Variants in ZNF569 observed in about 807,000 individuals in gnomAD.
ZNF569 encodes DNA-binding protein.
Under a neutral mutation model 56.3 loss-of-function variants are expected in ZNF569, and 38 were observed. The ratio of observed to expected loss-of-function variants is 0.68; its 90% CI spans 0.52 to 0.88. The LOEUF (loss-of-function observed/expected upper bound fraction) is 0.88, where lower values mean the gene tolerates loss of function less well. ZNF569 is among the 40% of genes least tolerant of loss of function. ZNF569 has a pLI of 0.00. For synonymous variants in ZNF569, 241 were observed against 262.9 expected (o/e 0.92, Z 0.81); for missense variants, 666 against 809.2 (o/e 0.82, Z 2.15).
chr19:37,440,711 A>G (rs1239143276), intron 3 of ZNF569, among the ~76,000 whole-genome samples: 2 of 152,234 alleles, frequency 1.3e-5, no homozygotes, highest in East Asian at 1.9e-4. Flanking sequence ...ATCCACATGA[A>G]AAAATGAAGA....
At chr19:37,449,231 C>T (rs1193402501) in intron 2 of ZNF569, among the ~76,000 whole-genome samples, 3 of 152,056 alleles carry the variant, frequency 2.0e-5, no homozygotes, top group Non-Finnish European at 4.4e-5. Context: ...TCTATTATGG[C>T]CCCAAATATG....
chr19:37,437,015 C>CAAAAA (rs368735580), intron 3 of ZNF569, among the ~76,000 whole-genome samples: 7 of 100,158 alleles, frequency 7.0e-5, no homozygotes, highest in African/African-American at 1.4e-4. Flanking sequence ...CAAGACACAT[C>CAAAAA]AAAAAAAAAA....
intron 3 of ZNF569, among the ~76,000 whole-genome samples, chr19:37,437,131 T>C (rs1170938639): frequency 6.6e-6 from 1 of 151,238 alleles, no homozygotes; most frequent in Non-Finnish European, 1.5e-5. Context: ...AGACAATACA[T>C]CATGACCAAG....
chr19:37,468,469 G>A (rs533036623), upstream of ZNF569, among the ~76,000 whole-genome samples: 1 of 152,058 alleles, frequency 6.6e-6, no homozygotes, highest in Admixed American at 6.5e-5. Context: ...TGGGCAAAGC[G>A]CACGGATCAT....
chr19:37,450,041 T>C (rs903759022), intron 2 of ZNF569, among the ~76,000 whole-genome samples: 8 of 152,228 alleles, frequency 5.3e-5, no homozygotes, highest in South Asian at 2.1e-4. Context: ...GACATTTTAA[T>C]GTACTGTTGG....
At position 37,413,504 on chromosome 19, in the gene ZNF569, T is replaced by C. The variant is rs142987962; in HGVS notation, c.1154A>G (p.Asn385Ser). The change falls in exon 6 of 6, where the codon AAT (asparagine) becomes AGT (serine). Residue 385 changes from asparagine to serine, a missense_variant. Asn to Ser is a conservative substitution (Grantham distance 46, BLOSUM62 1). Coordinates refer to ENST00000316950, the MANE Select transcript of ZNF569 (RefSeq NM_152484.3). ...TTGAGAGAAGGCTTTTCCACACTCA[T>C]TACATTCATAGGGTTTTTCACCTGT... is the stretch of plus-strand genomic sequence containing the variant. ...IHTGEKPYECNECGKAFSQSS... is the reference protein window; with the variant it reads ...IHTGEKPYECSECGKAFSQSS... 1.8e-5 allele frequency: 29 copies of C among 1,613,462 alleles called. No homozygotes were observed. In the African/African-American group the frequency reaches 2.9e-4, roughly 16 times the overall value.
chr19:37,426,530 A>G (rs1468749280), intron 3 of ZNF569, 152 bp from the exon 4 acceptor site: 5 of 801,260 alleles, frequency 6.2e-6, no homozygotes, highest in Non-Finnish European at 9.0e-6. Flanking sequence ...TTCACTGATT[A>G]GCAAGCACAT....
intron 2 of ZNF569, among the ~76,000 whole-genome samples, chr19:37,454,113 T>A (rs2041635854): frequency 1.3e-5 from 2 of 152,190 alleles, no homozygotes; most frequent in African/African-American, 2.4e-5. Context: ...GGTTTGTCAT[T>A]GCTGTGGTTA....
chr19:37,462,536 TG>T (rs1187427690), intron 2 of ZNF569, among the ~76,000 whole-genome samples: 1 of 152,198 alleles, frequency 6.6e-6, no homozygotes, highest in Admixed American at 6.5e-5. Flanking sequence ...CCCTAATAAA[TG>T]AATTTCATGT....
At chr19:37,443,381 G>A (rs2041440472) in intron 3 of ZNF569, among the ~76,000 whole-genome samples, 1 of 152,012 alleles carries the variant, frequency 6.6e-6, no homozygotes, top group South Asian at 2.1e-4. Flanking sequence ...GTCAAAGAAA[G>A]GTATATCTCA....
chr19:37,412,811 G>C lies in ZNF569; in HGVS notation c.1847C>G (p.Ser616Cys), dbSNP rs1430879264. 1.2e-6 allele frequency: 2 copies of C among 1,613,978 alleles called. No individual in the cohort carries two copies. Among genetic ancestry groups the C allele is most frequent in the East Asian group, 4.5e-5 (2 of 44,866 alleles). ...YECNKCGKAF[S>C]QSSSLTIHIR... ...ATGTATAGTAAGGGATGAGCTTTGG[G>C]AGAAGGCTTTTCCACATTTATTACA... Residue 616 changes from serine to cysteine, a missense_variant, in exon 6 of 6, where the codon TCC becomes TGC. Transcript: ENST00000316950.
At chr19:37,462,043 CCT>C (rs879939406) in intron 2 of ZNF569, among the ~76,000 whole-genome samples, 2 of 151,992 alleles carry the variant, frequency 1.3e-5, no homozygotes, top group East Asian at 1.9e-4. Context: ...TTTTTTTTCC[CCT>C]GTTCTTCTCA....
intron 2 of ZNF569, among the ~76,000 whole-genome samples, chr19:37,463,503 ATAT>A (rs1309445089): frequency 2.0e-5 from 3 of 152,216 alleles, no homozygotes; most frequent in African/African-American, 7.2e-5. Flanking sequence ...GTATTTGATA[ATAT>A]TATTGATTAT....
At chr19:37,417,069 G>A (rs1223851548) in intron 5 of ZNF569, among the ~76,000 whole-genome samples, 1 of 152,144 alleles carries the variant, frequency 6.6e-6, no homozygotes, top group African/African-American at 2.4e-5. Flanking sequence ...GAAGAGACAA[G>A]AGACATGGAA....
rs535924727 is a variant in ZNF569 at position 37,455,901 on chromosome 19, G to A, written c.-44+9412C>T. Reference sequence around the variant, plus strand: ...ACTCTGTGGGTACCGCTCTATCTGGGATCTAAAGTTGCCAAAGCCAGTTGC... The same window carrying A: ...ACTCTGTGGGTACCGCTCTATCTGGAATCTAAAGTTGCCAAAGCCAGTTGC... On this transcript the variant is annotated intron_variant, in intron 2 of 5. Coordinates refer to ENST00000316950, the MANE Select transcript of ZNF569 (RefSeq NM_152484.3). 4.6e-5 allele frequency among the ~76,000 whole-genome samples: 7 copies of A among 152,278 alleles called. No homozygotes were observed. In the South Asian group the frequency reaches 1.5e-3, roughly 32 times the overall value.
chr19:37,430,443 A>C (rs531354896), intron 3 of ZNF569, among the ~76,000 whole-genome samples: 82 of 152,016 alleles, frequency 5.4e-4, no homozygotes, highest in African/African-American at 1.9e-3. Context: ...TGTTGAAAAT[A>C]AATATAAAGA....
chr19:37,464,335 G>A (rs1253660153), intron 2 of ZNF569, among the ~76,000 whole-genome samples: 2 of 152,088 alleles, frequency 1.3e-5, no homozygotes, highest in African/African-American at 4.8e-5. Flanking sequence ...GACTACAGGC[G>A]TGTGCTACCA....
At chr19:37,460,880 A>T (rs1183930139) in intron 2 of ZNF569, among the ~76,000 whole-genome samples, 1 of 152,212 alleles carries the variant, frequency 6.6e-6, no homozygotes, top group Admixed American at 6.5e-5. Context: ...TCTGGGAGAT[A>T]GTCAAAGGTT....
At chr19:37,417,524 C>A (rs1480605607) in intron 5 of ZNF569, among the ~76,000 whole-genome samples, 3 of 151,996 alleles carry the variant, frequency 2.0e-5, no homozygotes, top group African/African-American at 7.2e-5. Flanking sequence ...GCTGGGATTA[C>A]AGGCGTGGGC....
Sources: gnomAD v4.1 joint callset for allele counts (sites outside exome capture counted in the v4.1 genomes callset) on GRCh38, gnomAD v4.1.1 for gene constraint, MANE v1.5 for transcripts, NCBI Gene and HGNC (gene_info 2026-07-23, HGNC 2026-07-21) for gene names.